FAM227B: variants seen among roughly 807,000 people sequenced by gnomAD.
The protein encoded by FAM227B is family with sequence similarity 227 member B.
Under a neutral mutation model 73.8 loss-of-function variants are expected in FAM227B, and 88 were observed. The observed-to-expected ratio is 1.19, with a 90% CI of 1.00 to 1.42. The LOEUF (loss-of-function observed/expected upper bound fraction) is 1.42, where lower values mean the gene tolerates loss of function less well. Ranked by LOEUF, FAM227B falls within the 40% of genes most tolerant of loss-of-function variation. The pLI is 0.00. For missense variants in FAM227B, 632 were observed against 590.9 expected (o/e 1.07, Z -0.72); for synonymous variants, 210 against 190.5 (o/e 1.10, Z -0.84).
chr15:49,550,329 G>A (rs1324884086), intron 9 of FAM227B, among the ~76,000 whole-genome samples: 27 of 143,656 alleles, frequency 1.9e-4, no homozygotes, highest in African/African-American at 3.1e-4. Flanking sequence ...CTGGCCGGGC[G>A]GCGGGCTGAC....
At chr15:49,411,690 TAATA>T (rs2048882079) in intron 11 of FAM227B, among the ~76,000 whole-genome samples, 1 of 152,064 alleles carries the variant, frequency 6.6e-6, no homozygotes, top group South Asian at 2.1e-4. Flanking sequence ...AAGGCAAAAA[TAATA>T]AATATTATCC....
rs577161928 is a variant in FAM227B, at chr15:49,545,340, T to C, written c.748-3534A>G. On this transcript the variant is annotated intron_variant, in intron 9 of 15. Coordinates refer to ENST00000299338, the MANE Select transcript of FAM227B (RefSeq NM_152647.3). The stretch of plus-strand genomic sequence containing the variant: ...TTTTGTATTTCTGTGGTATCGGTTG[T>C]AATGTTTCCCATTTTGTTTCTAATT... Among the ~76,000 whole-genome samples the C allele has an allele frequency of 1.8e-3, 268 of 152,332 alleles. 1 individual carries two copies. Among genetic ancestry groups the C allele is most frequent in the African/African-American group, 6.3e-3 (260 of 41,586 alleles).
At chr15:49,453,985 T>C (rs1402035060) in intron 11 of FAM227B, among the ~76,000 whole-genome samples, 1 of 152,170 alleles carries the variant, frequency 6.6e-6, no homozygotes, top group Non-Finnish European at 1.5e-5. Flanking sequence ...TGATAGAACA[T>C]TTTAATATTC....
rs572932366 is a variant in FAM227B, at chr15:49,532,532, G to A, written c.874+9148C>T. ...TGCAAATAAAATAATTGTTTCTTTGGTGGAAAATTAGACAAAATAGTCTAG... is the reference window on the plus strand; with the variant it reads ...TGCAAATAAAATAATTGTTTCTTTGATGGAAAATTAGACAAAATAGTCTAG... On this transcript the variant is annotated intron_variant, in intron 10 of 15. Coordinates refer to ENST00000299338, the MANE Select transcript of FAM227B (RefSeq NM_152647.3). 9.8e-4 allele frequency among the ~76,000 whole-genome samples: 149 copies of A among 151,562 alleles called. 1 individual carries two copies. The highest frequency in any genetic ancestry group is 3.4e-3 in the Middle Eastern group (1 of 294).
chr15:49,501,487 GAA>G (rs2058128736), intron 11 of FAM227B, among the ~76,000 whole-genome samples: 1 of 152,230 alleles, frequency 6.6e-6, no homozygotes, highest in Non-Finnish European at 1.5e-5. Context: ...TCTGGTGGAA[GAA>G]ATTTCTAGGC....
intron 10 of FAM227B, among the ~76,000 whole-genome samples, chr15:49,538,600 T>G (rs1250049398): frequency 6.6e-6 from 1 of 152,164 alleles, no homozygotes; most frequent in Non-Finnish European, 1.5e-5. Context: ...AATGTAAAAT[T>G]TAACTCTTTT....
intron 2 of FAM227B, among the ~76,000 whole-genome samples, chr15:49,612,219 T>A (rs1040088505): frequency 6.6e-6 from 1 of 152,068 alleles, no homozygotes; most frequent in Non-Finnish European, 1.5e-5. Context: ...ATTAGGTATA[T>A]CTCCTAATGC....
At chr15:49,511,743 C>T (rs1167326054) in intron 10 of FAM227B, among the ~76,000 whole-genome samples, 3 of 152,096 alleles carry the variant, frequency 2.0e-5, no homozygotes, top group African/African-American at 7.2e-5. Flanking sequence ...TTCAGGAAAA[C>T]AGCTTCCAGA....
At chr15:49,403,425 C>A (rs542257895) in intron 11 of FAM227B, among the ~76,000 whole-genome samples, 2 of 152,012 alleles carry the variant, frequency 1.3e-5, no homozygotes, top group Non-Finnish European at 2.9e-5. Context: ...TATTTATTAT[C>A]GCCTTAATTT....
intron 11 of FAM227B, among the ~76,000 whole-genome samples, chr15:49,377,572 A>T (rs2046252244): frequency 6.6e-6 from 1 of 152,034 alleles, no homozygotes; most frequent in Non-Finnish European, 1.5e-5. Flanking sequence ...GTGAGATGGT[A>T]TCTCGCAGTT....
At chr15:49,528,674 A>G (rs915530041) in intron 10 of FAM227B, among the ~76,000 whole-genome samples, 17 of 151,976 alleles carry the variant, frequency 1.1e-4, no homozygotes, top group African/African-American at 4.1e-4. Context: ...AAAGGATATG[A>G]ACAGACATTT....
At chr15:49,426,950 C>T (rs1597115656) in intron 11 of FAM227B, among the ~76,000 whole-genome samples, 1 of 152,012 alleles carries the variant, frequency 6.6e-6, no homozygotes, top group East Asian at 1.9e-4. Context: ...ATGTGGCTAT[C>T]TTATTGGAGA....
chr15:49,536,072 C>CAAAAA (rs59203003), intron 10 of FAM227B, among the ~76,000 whole-genome samples: 261 of 113,684 alleles, frequency 2.3e-3, no homozygotes, highest in Middle Eastern at 4.4e-3. Context: ...GGCAATCAGA[C>CAAAAA]AAAAAAAAAA....
At chr15:49,551,252 A>G (rs61385109) in intron 9 of FAM227B, among the ~76,000 whole-genome samples, 49,703 of 151,902 alleles carry the variant, frequency 0.33, 8,884 homozygotes, top group African/African-American at 0.46. Flanking sequence ...GCTTTGGCTC[A>G]GCATGAGGGA....
At chr15:49,469,510 A>G (rs2054548618) in intron 11 of FAM227B, among the ~76,000 whole-genome samples, 1 of 152,124 alleles carries the variant, frequency 6.6e-6, no homozygotes, top group South Asian at 2.1e-4. Context: ...TCCCTTTCTT[A>G]GAGTCAGAAC....
intron 11 of FAM227B, among the ~76,000 whole-genome samples, chr15:49,483,733 T>C (rs1247371046): frequency 2.0e-5 from 3 of 152,086 alleles, no homozygotes; most frequent in African/African-American, 7.2e-5. Flanking sequence ...ATGCAAAATA[T>C]GTAACAGTTC....
intron 11 of FAM227B, among the ~76,000 whole-genome samples, chr15:49,463,651 T>C (rs2054005432): frequency 6.6e-6 from 1 of 152,116 alleles, no homozygotes; most frequent in Admixed American, 6.5e-5. Context: ...GTTCGCTGTG[T>C]ATAAGTTGCA....
intron 9 of FAM227B, among the ~76,000 whole-genome samples, chr15:49,546,607 T>C (rs563772892): frequency 6.6e-6 from 1 of 152,312 alleles, no homozygotes; most frequent in Non-Finnish European, 1.5e-5. Flanking sequence ...TCTCCACATC[T>C]TCTCCAGCAC....
chr15:49,441,344 T>C (rs1285597057), intron 11 of FAM227B, among the ~76,000 whole-genome samples: 1 of 151,738 alleles, frequency 6.6e-6, no homozygotes. Flanking sequence ...TTAGAAAGCA[T>C]AACATATGTC....
Sources: allele counts gnomAD v4.1 joint callset (sites outside exome capture counted in the v4.1 genomes callset), GRCh38; gene constraint gnomAD v4.1.1; transcripts MANE v1.5; gene names NCBI Gene and HGNC (gene_info 2026-07-23, HGNC 2026-07-21).